Variants in ROR1 observed in about 807,000 individuals in gnomAD.
ROR1 encodes inactive tyrosine-protein kinase transmembrane receptor ROR1.
In ROR1, 19 loss-of-function variants were observed where a neutral mutation model predicts 78.8. The ratio of observed to expected loss-of-function variants is 0.24; its 90% confidence interval spans 0.17 to 0.35. The LOEUF (loss-of-function observed/expected upper bound fraction) is 0.35, where lower values mean the gene tolerates loss of function less well. ROR1 is among the 10% of genes least tolerant of loss of function. ROR1 has a pLI of 1.00. For synonymous variants in ROR1, 386 were observed against 433.6 expected (o/e 0.89, Z 1.36); for missense variants, 917 against 1,177.8 (o/e 0.78, Z 3.24).
intron 2 of ROR1, among the ~76,000 whole-genome samples, chr1:64,045,934 G>GA (rs1646779517): frequency 6.6e-6 from 1 of 151,896 alleles, no homozygotes; most frequent in Non-Finnish European, 1.5e-5. Flanking sequence ...GGGAAGAAGG[G>GA]AAAAAAAGAT....
chr1:63,774,287 T>C lies in ROR1; in HGVS notation c.-131T>C. On this transcript the variant is annotated 5_prime_UTR_variant, in exon 1 of 9. Transcript: ENST00000371079. The surrounding 1 kb of genome is among the most constrained non-coding windows in gnomAD (Gnocchi z 5.7). The stretch of plus-strand genomic sequence containing the variant: ...GGAGCAGGTTAGAGGGACAAAGAGC[T>C]TTGCAGACGTCCCCGGCGTCCTGCG... 1 of 448,448 alleles carries C rather than the reference T, an allele frequency of 2.2e-6. No homozygotes were observed. Among genetic ancestry groups the C allele is most frequent in the Non-Finnish European group, 3.6e-6 (1 of 278,748 alleles). The allele number at this position is 448,448 out of a possible 1,614,324, so 27.8% of individuals were successfully genotyped here.
At chr1:63,908,466 G>A (rs1265186940) in intron 1 of ROR1, among the ~76,000 whole-genome samples, 3 of 152,142 alleles carry the variant, frequency 2.0e-5, no homozygotes, top group Non-Finnish European at 4.4e-5. Flanking sequence ...GTGCAAAAGA[G>A]AAATATGTTA....
At chr1:64,016,357 C>A (rs2100551394) in intron 2 of ROR1, among the ~76,000 whole-genome samples, 1 of 152,236 alleles carries the variant, frequency 6.6e-6, no homozygotes, top group Non-Finnish European at 1.5e-5. Flanking sequence ...AAGAAAATAT[C>A]TTACTAATAA....
intron 1 of ROR1, among the ~76,000 whole-genome samples, chr1:64,006,723 C>T (rs1206854875): frequency 6.6e-6 from 1 of 152,152 alleles, no homozygotes; most frequent in Non-Finnish European, 1.5e-5. Flanking sequence ...TTGGAGGAAA[C>T]CAGGGCCACT....
intron 1 of ROR1, among the ~76,000 whole-genome samples, chr1:63,780,307 G>A (rs1644643202): frequency 6.6e-6 from 1 of 152,076 alleles, no homozygotes; most frequent in African/African-American, 2.4e-5. Flanking sequence ...AATGGAAATA[G>A]AATGGGATTT....
At chr1:64,111,596 T>A (rs1648099334) in intron 4 of ROR1, among the ~76,000 whole-genome samples, 1 of 152,188 alleles carries the variant, frequency 6.6e-6, no homozygotes, top group African/African-American at 2.4e-5. Context: ...CCTTGGTACA[T>A]TGTCCGTGGC....
chr1:63,786,251 A>C, intron 1 of ROR1, among the ~76,000 whole-genome samples: 1 of 136,528 alleles, frequency 7.3e-6, no homozygotes. Context: ...GCTGGCTACA[A>C]CTTGATTTTT....
At position 64,137,478 on chromosome 1, in the gene ROR1, A is replaced by G. The variant is rs1308119364; in HGVS notation, c.592A>G (p.Ile198Val). 1 of 1,613,322 alleles carries G rather than the reference A, an allele frequency of 6.2e-7. No homozygotes were observed. Among genetic ancestry groups the G allele is most frequent in the Admixed American group, 1.7e-5 (1 of 59,932 alleles). ...GGAGTCTTTGCACATGCAAGGGGAA[A>G]TAGAAAATCAGATCACAGGTAGGTA... ...YMESLHMQGE[I>V]ENQITAAFTM... Residue 198 changes from isoleucine to valine, a missense_variant, in exon 5 of 9, where the codon ATA (isoleucine) becomes GTA (valine). Physicochemically the swap from Ile to Val is conservative, Grantham distance 29. Transcript: ENST00000371079.
At chr1:63,807,053 G>C (rs187899454) in intron 1 of ROR1, among the ~76,000 whole-genome samples, 1 of 152,086 alleles carries the variant, frequency 6.6e-6, no homozygotes, top group Non-Finnish European at 1.5e-5. Context: ...TTCTAATTTA[G>C]TTTCTCAGAG....
chr1:64,101,113 T>C (rs937138629), intron 4 of ROR1, among the ~76,000 whole-genome samples: 7 of 152,296 alleles, frequency 4.6e-5, no homozygotes, highest in African/African-American at 1.7e-4. Flanking sequence ...TGGGTAGAAA[T>C]TTTTACTTTT....
intron 1 of ROR1, among the ~76,000 whole-genome samples, chr1:63,813,197 A>G (rs569427794): frequency 6.6e-6 from 1 of 152,356 alleles, no homozygotes; most frequent in South Asian, 2.1e-4. Context: ...TGCTTCATGG[A>G]AAAAACTAAA....
chr1:63,927,202 G>T (rs1248856716), intron 1 of ROR1, among the ~76,000 whole-genome samples: 1 of 67,024 alleles, frequency 1.5e-5, no homozygotes, highest in Non-Finnish European at 3.9e-5. Context: ...CTAATTTATT[G>T]AGAGTTTTTA....
rs570350394 is a variant in ROR1 at position 64,043,378 on chromosome 1, T to C, written c.164-6313T>C. Among the ~76,000 whole-genome samples the C allele has an allele frequency of 3.7e-4, 57 of 152,302 alleles. 1 individual carries two copies. In the South Asian group the frequency reaches 0.011, roughly 30 times the overall value. ...AAGTTCACAATAACACATGAAGTGC[T>C]GAGGGGAATACAAAAAATGTAAAAA... is the stretch of plus-strand genomic sequence containing the variant. On this transcript the variant is annotated intron_variant, in intron 2 of 8. Transcript: ENST00000371079.
At chr1:64,001,714 C>T (rs910103853) in intron 1 of ROR1, among the ~76,000 whole-genome samples, 37 of 152,162 alleles carry the variant, frequency 2.4e-4, no homozygotes, top group African/African-American at 4.8e-4. Context: ...ACAGGTAGGG[C>T]GGCTCTCCCA....
chr1:63,803,670 C>T (rs981594826), intron 1 of ROR1, among the ~76,000 whole-genome samples: 6 of 152,184 alleles, frequency 3.9e-5, no homozygotes, highest in African/African-American at 7.2e-5. Flanking sequence ...AAAGGTTTGA[C>T]ATATAACCCA....
intron 1 of ROR1, among the ~76,000 whole-genome samples, chr1:63,866,202 A>G (rs1645214363): frequency 6.6e-6 from 1 of 152,072 alleles, no homozygotes; most frequent in African/African-American, 2.4e-5. Context: ...AGCTTACTAG[A>G]TCTGACAGAG....
chr1:63,822,470 TTTG>T (rs869223813), intron 1 of ROR1, among the ~76,000 whole-genome samples: 1 of 105,190 alleles, frequency 9.5e-6, no homozygotes, highest in Non-Finnish European at 2.2e-5. Flanking sequence ...ATGTGATGTG[TTTG>T]TTGTAGAAAA....
At chr1:63,954,335 C>T (rs1217492434) in intron 1 of ROR1, among the ~76,000 whole-genome samples, 1 of 152,228 alleles carries the variant, frequency 6.6e-6, no homozygotes, top group Admixed American at 6.5e-5. Context: ...CCCAACTTCT[C>T]ACATTCTGCA....
intron 1 of ROR1, among the ~76,000 whole-genome samples, chr1:63,974,250 C>T (rs894584135): frequency 3.9e-5 from 6 of 152,054 alleles, no homozygotes; most frequent in Non-Finnish European, 5.9e-5. Flanking sequence ...GCTGTGTGGC[C>T]TTGAGCAAAT....
Sources: gnomAD v4.1 joint callset for allele counts (sites outside exome capture counted in the v4.1 genomes callset) on GRCh38, gnomAD v4.1.1 for gene constraint, Gnocchi (gnomAD v3.1) non-coding constraint, MANE v1.5 for transcripts, NCBI Gene and HGNC (gene_info 2026-07-23, HGNC 2026-07-21) for gene names.